CMPK1: variants seen among roughly 807,000 people sequenced by gnomAD.
The protein encoded by CMPK1 is UMP-CMP kinase.
In CMPK1, 10 loss-of-function variants were observed where a neutral mutation model predicts 25.7. The observed-to-expected ratio is 0.39, with a 90% CI of 0.24 to 0.66. The LOEUF is 0.66. Among genes scored for constraint, CMPK1 ranks in the 30% least tolerant of loss-of-function variants. CMPK1 has a pLI of 0.48. For missense variants in CMPK1, 199 were observed against 280.5 expected (o/e 0.71, Z 2.08); for synonymous variants, 106 against 101.5 (o/e 1.04, Z -0.27).
At chr1:47,343,493 G>A (rs1286448534) in intron 1 of CMPK1, among the ~76,000 whole-genome samples, 1 of 132,516 alleles carries the variant, frequency 7.5e-6, no homozygotes, top group Non-Finnish European at 1.6e-5. Flanking sequence ...GGGCAACAGA[G>A]TGAGACTCCG....
At chr1:47,355,781 A>G (rs925743478) in intron 1 of CMPK1, among the ~76,000 whole-genome samples, 3 of 151,186 alleles carry the variant, frequency 2.0e-5, no homozygotes, top group Non-Finnish European at 1.5e-5. Flanking sequence ...TAATTTTTGT[A>G]TTTTTAGTAG....
chr1:47,337,647 G>A (rs3122620), intron 1 of CMPK1, among the ~76,000 whole-genome samples: 86,959 of 149,510 alleles, frequency 0.58, 27,253 homozygotes, highest in African/African-American at 0.83. Flanking sequence ...GAAGTGTCAC[G>A]CTGTCGGCCA....
intron 1 of CMPK1, among the ~76,000 whole-genome samples, chr1:47,368,231 A>G (rs1187102414): frequency 6.6e-6 from 1 of 152,220 alleles, no homozygotes; most frequent in Non-Finnish European, 1.5e-5. Context: ...GGTGTGAGCC[A>G]CTACGCCCAG....
chr1:47,334,249 C>T, intron 1 of CMPK1, 133 bp downstream of exon 1: 1 of 895,748 alleles, frequency 1.1e-6, no homozygotes, highest in East Asian at 4.0e-5. Flanking sequence ...CCGCGCCGCC[C>T]GCGTGGCAGT....
chr1:47,359,644 C>T (rs1463552850), intron 1 of CMPK1, among the ~76,000 whole-genome samples: 2 of 151,986 alleles, frequency 1.3e-5, no homozygotes, highest in Non-Finnish European at 2.9e-5. Context: ...CCGTCTCAGC[C>T]TCCCAAAGTG....
At chr1:47,337,224 A>C (rs1234904932) in intron 1 of CMPK1, among the ~76,000 whole-genome samples, 1 of 152,214 alleles carries the variant, frequency 6.6e-6, no homozygotes, top group African/African-American at 2.4e-5. Context: ...CGGAGCTTGC[A>C]GTGAGCCAAG....
At chr1:47,352,526 G>A (rs1646529841) in intron 1 of CMPK1, among the ~76,000 whole-genome samples, 1 of 115,844 alleles carries the variant, frequency 8.6e-6, no homozygotes, top group Non-Finnish European at 2.1e-5. Flanking sequence ...GGTGGGGAGG[G>A]ATAGGGGGTC....
intron 1 of CMPK1, among the ~76,000 whole-genome samples, chr1:47,344,349 G>T (rs1646467111): frequency 6.6e-6 from 1 of 152,150 alleles, no homozygotes; most frequent in South Asian, 2.1e-4. Context: ...AGTTATCCTT[G>T]TATAGGGTTA....
At chr1:47,374,412 C>T (rs917617563) in intron 3 of CMPK1, among the ~76,000 whole-genome samples, 1 of 152,138 alleles carries the variant, frequency 6.6e-6, no homozygotes, top group African/African-American at 2.4e-5. Flanking sequence ...AATATGTTTT[C>T]ATTTACCCTT....
chr1:47,346,596 T>G (rs1570357244), intron 1 of CMPK1, among the ~76,000 whole-genome samples: 1 of 151,522 alleles, frequency 6.6e-6, no homozygotes, highest in East Asian at 2.0e-4. Context: ...CTCGGCCTCC[T>G]GGGTTCAAGC....
intron 1 of CMPK1, among the ~76,000 whole-genome samples, chr1:47,359,878 C>A (rs1038979518): frequency 6.6e-6 from 1 of 152,148 alleles, no homozygotes; most frequent in Admixed American, 6.6e-5. Context: ...TTGATGTATA[C>A]AAAGATCCAT....
chr1:47,340,078 CTATTTATT>C (rs1040612519), intron 1 of CMPK1, among the ~76,000 whole-genome samples: 4 of 93,602 alleles, frequency 4.3e-5, no homozygotes, highest in African/African-American at 1.4e-4. Flanking sequence ...CCTTTCTTTC[CTATTTATT>C]TATTTATTTA....
intron 1 of CMPK1, among the ~76,000 whole-genome samples, chr1:47,365,721 A>T (rs1646635614): frequency 6.6e-6 from 1 of 151,686 alleles, no homozygotes; most frequent in Non-Finnish European, 1.5e-5. Flanking sequence ...TAGTTGTAGT[A>T]AAATAGAGTA....
rs3125648 is a variant in CMPK1, at chr1:47,376,759, G to A, written c.*14G>A. ...AAGGAAGGCTAATTCTAAACCTGAAGGCATCCTTGAAATCATGCTTGAATA... is the reference window on the plus strand; with the variant it reads ...AAGGAAGGCTAATTCTAAACCTGAAAGCATCCTTGAAATCATGCTTGAATA... On this transcript the variant is annotated 3_prime_UTR_variant, in exon 6 of 6. Transcript: ENST00000371873. The A allele has an allele frequency of 0.99, 1,501,318 of 1,516,202 alleles. 744,239 individuals are homozygous for A. Among genetic ancestry groups the A allele is most frequent in the East Asian group, 1 (43,750 of 43,750 alleles). The allele number at this position is 1,516,202 out of a possible 1,614,324, so 93.9% of individuals were successfully genotyped here. A position where few individuals can be genotyped will look rare whatever the true frequency, so the allele number is the denominator to read the frequency against.
chr1:47,370,192 C>G (rs1646668842), intron 2 of CMPK1, among the ~76,000 whole-genome samples: 1 of 150,084 alleles, frequency 6.7e-6, no homozygotes, highest in African/African-American at 2.4e-5. Flanking sequence ...GCTGGGATTA[C>G]AGGCGTGAGA....
rs1474131088 is a variant in CMPK1 at position 47,378,035 on chromosome 1, C to T, written c.*1290C>T. The T allele has an allele frequency of 6.6e-6, 1 of 152,080 alleles. No homozygotes were observed. The highest frequency in any genetic ancestry group is 1.5e-5 in the Non-Finnish European group (1 of 68,016). The allele number at this position is 152,080 out of a possible 1,614,324, so 9.4% of individuals were successfully genotyped here. A position where few individuals can be genotyped will look rare whatever the true frequency, so the allele number is the denominator to read the frequency against. On this transcript the variant is annotated 3_prime_UTR_variant, in exon 6 of 6. Transcript: ENST00000371873. ...TGTTTCTTATTTTCAGCACTTACAT[C>T]ATTTGGTACACAGGGTCAAATAGGG...
intron 1 of CMPK1, among the ~76,000 whole-genome samples, chr1:47,346,176 A>T (rs1272289052): frequency 6.6e-6 from 1 of 151,896 alleles, no homozygotes; most frequent in South Asian, 2.1e-4. Context: ...CAGCCTCCTG[A>T]GTAGCTGGGA....
intron 1 of CMPK1, among the ~76,000 whole-genome samples, chr1:47,356,435 G>A (rs1019047210): frequency 3.4e-4 from 51 of 151,912 alleles, no homozygotes; most frequent in African/African-American, 1.2e-3. Flanking sequence ...GTCACAAAAG[G>A]GACAAGTCCT....
chr1:47,335,335 T>G (rs1646388722), intron 1 of CMPK1, among the ~76,000 whole-genome samples: 1 of 152,308 alleles, frequency 6.6e-6, no homozygotes, highest in African/African-American at 2.4e-5. Context: ...TGGACAGATG[T>G]ATTTATAAAT....
Sources: allele counts gnomAD v4.1 joint callset (sites outside exome capture counted in the v4.1 genomes callset), GRCh38; gene constraint gnomAD v4.1.1; transcripts MANE v1.5; gene names NCBI Gene and HGNC (gene_info 2026-07-23, HGNC 2026-07-21).